PTER: variants seen among roughly 807,000 people sequenced by gnomAD.
The protein encoded by PTER is N-acetyltaurine hydrolase.
Under a neutral mutation model 29.6 loss-of-function variants are expected in PTER, and 38 were observed. The ratio of observed to expected loss-of-function variants is 1.28; its 90% CI spans 0.99 to 1.68. The LOEUF (loss-of-function observed/expected upper bound fraction) is 1.68, where lower values mean the gene tolerates loss of function less well. Ranked by LOEUF, PTER falls within the 40% of genes most tolerant of loss-of-function variation. The probability of loss-of-function intolerance (pLI) is 0.00; values close to 1 mark genes in which losing one functional copy is unlikely to be tolerated. For missense variants in PTER, 482 were observed against 427.8 expected, an observed-to-expected ratio of 1.13 and a Z score of -1.12; for synonymous variants, 172 against 154.5, an observed-to-expected ratio of 1.11 and a Z score of -0.84.
At position 16,511,225 on chromosome 10, in the gene PTER, A is replaced by G; in HGVS notation, c.1019A>G (p.Glu340Gly). The change falls in exon 5 of 5, where the codon GAG (glutamate) becomes GGG (glycine). Residue 340 changes from glutamate to glycine, a missense_variant. Glu to Gly is a moderately conservative substitution (Grantham distance 98). Transcript: ENST00000535784. The stretch of plus-strand genomic sequence containing the variant: ...AATGTGCTTGATAAGATTCTAATAG[A>G]GAACCCTAAGCAATGGCTAACTTTC... ...TENVLDKILI[E>G]NPKQWLTFK 6.2e-7 allele frequency: 1 copy of G among 1,614,108 alleles called. No homozygotes were observed. Among genetic ancestry groups the G allele is most frequent in the Non-Finnish European group, 8.5e-7 (1 of 1,179,950 alleles).
chr10:16,494,052 C>A (rs1383862724), intron 3 of PTER, among the ~76,000 whole-genome samples: 1 of 152,032 alleles, frequency 6.6e-6, no homozygotes, highest in African/African-American at 2.4e-5. Context: ...GACATTTTAA[C>A]AAATAGGATT....
At chr10:16,462,288 T>C (rs1256683257) in intron 1 of PTER, among the ~76,000 whole-genome samples, 1 of 151,894 alleles carries the variant, frequency 6.6e-6, no homozygotes, top group East Asian at 1.9e-4. Flanking sequence ...GCCCAGCCTT[T>C]TCCTAGGACT....
intron 1 of PTER, among the ~76,000 whole-genome samples, chr10:16,460,163 G>A (rs1834560160): frequency 6.6e-6 from 1 of 152,218 alleles, no homozygotes; most frequent in Non-Finnish European, 1.5e-5. Flanking sequence ...TAAAGGGCTT[G>A]TTTCGTGTCA....
chr10:16,458,349 A>C (rs1834488741), intron 1 of PTER, among the ~76,000 whole-genome samples: 1 of 152,178 alleles, frequency 6.6e-6, no homozygotes, highest in South Asian at 2.1e-4. Context: ...ATGCTCTTAC[A>C]ATGTCAAAGT....
chr10:16,478,655 G>A (rs1835368800), intron 1 of PTER, among the ~76,000 whole-genome samples: 1 of 151,548 alleles, frequency 6.6e-6, no homozygotes, highest in Admixed American at 6.6e-5. Context: ...AAAAAAAAAT[G>A]TTTTCAGTTG....
In PTER at chr10:16,511,424, G is replaced by A. The variant is rs1226770210; in HGVS notation, c.*168G>A. On this transcript the variant is annotated 3_prime_UTR_variant, in exon 5 of 5. Transcript: ENST00000535784. ...TTCTCTGAGACCAGCTATTACAACT[G>A]TGCCTCTAGGGAGTTACTCAGCCTA... is the stretch of plus-strand genomic sequence containing the variant. 2 of 636,082 alleles carry A rather than the reference G, an allele frequency of 3.1e-6. No individual in the cohort carries two copies. The highest frequency in any genetic ancestry group is 3.7e-5 in the African/African-American group (2 of 54,780). The allele number at this position is 636,082 out of a possible 1,614,324, so 39.4% of individuals were successfully genotyped here.
rs1485479366 is a variant in PTER, at chr10:16,513,377, C to T, written c.*2121C>T. 2 of 151,936 alleles carry T rather than the reference C, an allele frequency of 1.3e-5. No individual in the cohort carries two copies. 9.4% of individuals were successfully genotyped at this position (151,936 alleles called of 1,614,324 possible). A position where few individuals can be genotyped will look rare whatever the true frequency, so the allele number is the denominator to read the frequency against. ...TTTTGAGGCTATACAGCCACTGTGC[C>T]CTGTGGAATAAAGCCATATATATAA... On this transcript the variant is annotated 3_prime_UTR_variant, in exon 5 of 5. Coordinates refer to ENST00000535784, the MANE Select transcript of PTER (RefSeq NM_001261836.2).
intron 3 of PTER, among the ~76,000 whole-genome samples, chr10:16,499,632 T>C (rs1477808230): frequency 6.6e-6 from 1 of 151,822 alleles, no homozygotes; most frequent in South Asian, 2.1e-4. Context: ...TTGTTAGAAA[T>C]GGGGTTTTGC....
At chr10:16,442,705 C>T (rs886174510) in intron 1 of PTER, among the ~76,000 whole-genome samples, 28 of 152,040 alleles carry the variant, frequency 1.8e-4, no homozygotes, top group African/African-American at 6.0e-4. Context: ...GCAGGCCAGG[C>T]GTGGTGTCTC....
intron 1 of PTER, among the ~76,000 whole-genome samples, chr10:16,477,699 T>C (rs568521187): frequency 6.6e-6 from 1 of 152,320 alleles, no homozygotes; most frequent in South Asian, 2.1e-4. Context: ...TGAAGAGCCA[T>C]GGATTCTTAC....
At chr10:16,445,902 A>G (rs1384207020) in intron 1 of PTER, among the ~76,000 whole-genome samples, 1 of 152,042 alleles carries the variant, frequency 6.6e-6, no homozygotes, top group Non-Finnish European at 1.5e-5. Flanking sequence ...TAGGATGAGA[A>G]GTTGTCCTGG....
rs1245882031 is a variant in PTER at position 16,484,367 on chromosome 10, T to A, written c.-18T>A. The A allele has an allele frequency of 6.4e-7, 1 of 1,557,446 alleles. No homozygotes were observed. On this transcript the variant is annotated 5_prime_UTR_variant, in exon 2 of 5. In the 5' UTR this introduces an upstream ATG that the reference lacks. Transcript: ENST00000535784. ...AGAAATCCTCTTTTTAGAACATCTC[T>A]TGGTGGTACCATCAGAAATGTCTTC...
chr10:16,502,591 C>T (rs1836393633), intron 3 of PTER, among the ~76,000 whole-genome samples: 1 of 152,056 alleles, frequency 6.6e-6, no homozygotes, highest in African/African-American at 2.4e-5. Context: ...GGTATGATAG[C>T]TCAGAATGAA....
chr10:16,504,966 C>T, intron 3 of PTER, 54 bp from the exon 4 acceptor site: 1 of 1,597,268 alleles, frequency 6.3e-7, no homozygotes, highest in Non-Finnish European at 8.6e-7. Flanking sequence ...CTAGTATGTA[C>T]ATGTGGAAAA....
At chr10:16,489,583 G>C (rs1027050968) in intron 3 of PTER, among the ~76,000 whole-genome samples, 17 of 149,756 alleles carry the variant, frequency 1.1e-4, no homozygotes, top group Non-Finnish European at 1.9e-4. Flanking sequence ...TTTTATTTCT[G>C]GTAGGCAGTT....
chr10:16,475,626 T>A (rs1835232636), intron 1 of PTER, among the ~76,000 whole-genome samples: 1 of 152,100 alleles, frequency 6.6e-6, no homozygotes, highest in Non-Finnish European at 1.5e-5. Flanking sequence ...TACACAAGGA[T>A]TTGAGTATTG....
chr10:16,463,223 TAC>T, intron 1 of PTER, among the ~76,000 whole-genome samples: 2 of 116,472 alleles, frequency 1.7e-5, no homozygotes, highest in South Asian at 5.8e-4. Flanking sequence ...AAAAAAAAAA[TAC>T]TGTTTCTCAC....
chr10:16,496,312 C>T (rs1160087372), intron 3 of PTER, among the ~76,000 whole-genome samples: 4 of 152,174 alleles, frequency 2.6e-5, no homozygotes, highest in African/African-American at 9.6e-5. Context: ...TCACCTTTGC[C>T]TCAGGCACAA....
At chr10:16,509,705 C>G (rs1206728030) in intron 4 of PTER, among the ~76,000 whole-genome samples, 1 of 151,930 alleles carries the variant, frequency 6.6e-6, no homozygotes, top group Non-Finnish European at 1.5e-5. Context: ...TGAGTGTGTT[C>G]CAAAAGTAAC....
Sources: allele counts gnomAD v4.1 joint callset (sites outside exome capture counted in the v4.1 genomes callset), GRCh38; gene constraint gnomAD v4.1.1; transcripts MANE v1.5; gene names NCBI Gene and HGNC (gene_info 2026-07-23, HGNC 2026-07-21).